The following RGL1 variants were observed in gnomAD, a reference collection of about 807,000 sequenced individuals.
RGL1 encodes ral guanine nucleotide dissociation stimulator like 1.
In RGL1, 24 loss-of-function variants were observed where a neutral mutation model predicts 95.2. The ratio of observed to expected loss-of-function variants is 0.25; its 90% confidence interval spans 0.18 to 0.35. The LOEUF is 0.35. Ranked by LOEUF, RGL1 falls within the 10% of genes least tolerant of loss-of-function variation. The pLI is 1.00. For missense variants in RGL1, 715 were observed against 936.3 expected (o/e 0.76, Z 3.08); for synonymous variants, 329 against 344.9 (o/e 0.95, Z 0.51).
intron 4 of RGL1, among the ~76,000 whole-genome samples, chr1:183,876,679 C>T (rs950224890): frequency 3.3e-5 from 5 of 152,154 alleles, no homozygotes; most frequent in Non-Finnish European, 5.9e-5. Context: ...TTGATTTGTC[C>T]TAGAGAGGAT....
chr1:183,874,911 C>T (rs1451258264), intron 4 of RGL1, among the ~76,000 whole-genome samples: 2 of 152,082 alleles, frequency 1.3e-5, no homozygotes, highest in African/African-American at 2.4e-5. Context: ...GTGGAGGGTC[C>T]GGCCCAGAGT....
chr1:183,743,303 T>C (rs1657425240), intron 2 of RGL1, among the ~76,000 whole-genome samples: 1 of 152,200 alleles, frequency 6.6e-6, no homozygotes, highest in Non-Finnish European at 1.5e-5. Context: ...TGTGAGTGAC[T>C]GTGCCCAGCC....
At chr1:183,862,781 T>TGTTGGGTGCCAGGCACTAAAGA (rs1350502533) in intron 3 of RGL1, among the ~76,000 whole-genome samples, 3 of 152,178 alleles carry the variant, frequency 2.0e-5, no homozygotes, top group Non-Finnish European at 4.4e-5. Context: ...ATTGCATGCC[T>TGTTGGGTGCCAGGCACTAAAGA]GTTGGGTGCC....
chr1:183,664,551 A>G (rs1450870145), intron 1 of RGL1, among the ~76,000 whole-genome samples: 8 of 149,238 alleles, frequency 5.4e-5, no homozygotes. Flanking sequence ...AGAGCACTCT[A>G]ACTCTAACTC....
chr1:183,764,072 T>C (rs1483286936), intron 2 of RGL1, among the ~76,000 whole-genome samples: 2 of 152,192 alleles, frequency 1.3e-5, no homozygotes, highest in Non-Finnish European at 1.5e-5. Context: ...CTAAATAGCA[T>C]TGTGTTGAGA....
chr1:183,759,440 T>C (rs1658534007), intron 2 of RGL1, among the ~76,000 whole-genome samples: 1 of 152,212 alleles, frequency 6.6e-6, no homozygotes, highest in South Asian at 2.1e-4. Flanking sequence ...ACAGAGGAGA[T>C]AAGGCTTTTG....
intron 2 of RGL1, among the ~76,000 whole-genome samples, chr1:183,761,895 GTCT>G (rs1442717715): frequency 6.6e-6 from 1 of 152,164 alleles, no homozygotes; most frequent in African/African-American, 2.4e-5. Flanking sequence ...TTATGGAGAT[GTCT>G]TCTTCTCTTA....
chr1:183,924,882 CT>C (rs1669528254), intron 17 of RGL1, among the ~76,000 whole-genome samples: 1 of 151,866 alleles, frequency 6.6e-6, no homozygotes, highest in African/African-American at 2.4e-5. Flanking sequence ...AGGAGAATCA[CT>C]TGACCCTGGG....
intron 1 of RGL1, among the ~76,000 whole-genome samples, chr1:183,669,315 T>A (rs940778481): frequency 6.6e-6 from 1 of 152,210 alleles, no homozygotes; most frequent in Admixed American, 6.5e-5. Context: ...TTGTTTCTCT[T>A]ACACTATATT....
intron 2 of RGL1, among the ~76,000 whole-genome samples, chr1:183,813,034 T>C (rs1378325898): frequency 2.0e-5 from 3 of 152,084 alleles, no homozygotes; most frequent in Non-Finnish European, 2.9e-5. Context: ...TTTAGAACAA[T>C]GACTGACAGC....
intron 2 of RGL1, among the ~76,000 whole-genome samples, chr1:183,755,425 A>G (rs1658263285): frequency 6.6e-6 from 1 of 152,140 alleles, no homozygotes; most frequent in African/African-American, 2.4e-5. Context: ...TAAAATTTAA[A>G]TGATAAATAA....
At chr1:183,737,060 C>T (rs1656983634) in intron 1 of RGL1, among the ~76,000 whole-genome samples, 1 of 152,062 alleles carries the variant, frequency 6.6e-6, no homozygotes. Flanking sequence ...AATGATGTAT[C>T]AAACAAAGTT....
intron 1 of RGL1, among the ~76,000 whole-genome samples, chr1:183,728,010 C>T (rs536293301): frequency 6.6e-6 from 1 of 152,214 alleles, no homozygotes; most frequent in South Asian, 2.1e-4. Context: ...AAACAGGTTG[C>T]CTTCCCCAGT....
chr1:183,878,150 TTCTATCTA>T (rs751622115), intron 4 of RGL1, among the ~76,000 whole-genome samples: 1,895 of 111,624 alleles, frequency 0.017, 25 homozygotes, highest in African/African-American at 0.027. Flanking sequence ...TTGATTTTCT[TTCTATCTA>T]TCTATCTATC....
intron 2 of RGL1, among the ~76,000 whole-genome samples, chr1:183,762,710 G>A (rs1658757866): frequency 6.6e-6 from 1 of 152,198 alleles, no homozygotes; most frequent in African/African-American, 2.4e-5. Context: ...ACACCAGTTA[G>A]AATGACCATC....
At chr1:183,838,534 G>C (rs1422030013) in intron 2 of RGL1, among the ~76,000 whole-genome samples, 1 of 152,190 alleles carries the variant, frequency 6.6e-6, no homozygotes, top group Admixed American at 6.5e-5. Context: ...GTCAACTCTT[G>C]GGGCTCGTGT....
chr1:183,666,778 G>A (rs1652068911), intron 1 of RGL1, among the ~76,000 whole-genome samples: 1 of 152,136 alleles, frequency 6.6e-6, no homozygotes, highest in Non-Finnish European at 1.5e-5. Flanking sequence ...TCCAGAATAT[G>A]GCCAATTTGG....
At chr1:183,882,137 T>C (rs1403555894) in intron 5 of RGL1, among the ~76,000 whole-genome samples, 1 of 152,360 alleles carries the variant, frequency 6.6e-6, no homozygotes, top group East Asian at 1.9e-4. Context: ...TATATGTTTT[T>C]AAAAAGTAAA....
At chr1:183,867,737 T>A (rs1331327248) in intron 4 of RGL1, among the ~76,000 whole-genome samples, 1 of 152,058 alleles carries the variant, frequency 6.6e-6, no homozygotes, top group Non-Finnish European at 1.5e-5. Context: ...GTAGGGGTGA[T>A]GTTCCTGAGT....
Sources: allele counts gnomAD v4.1 joint callset (sites outside exome capture counted in the v4.1 genomes callset), GRCh38; gene constraint gnomAD v4.1.1; transcripts MANE v1.5; gene names NCBI Gene and HGNC (gene_info 2026-07-23, HGNC 2026-07-21).